Variants in SAGE1 observed in about 807,000 individuals in gnomAD.
SAGE1 encodes the protein cancer/testis antigen 14.
Under a neutral mutation model 55.4 loss-of-function variants are expected in SAGE1, and 55 were observed. The ratio of observed to expected loss-of-function variants is 0.99; its 90% CI spans 0.80 to 1.24. SAGE1 has a LOEUF of 1.24. Among genes scored for constraint, SAGE1 ranks in the 50% most tolerant of loss-of-function variants. The probability of loss-of-function intolerance (pLI) is 0.00; values close to 1 mark genes in which losing one functional copy is unlikely to be tolerated. For synonymous variants in SAGE1, 240 were observed against 244.3 expected (o/e 0.98, Z 0.17); for missense variants, 710 against 704.4 (o/e 1.01, Z -0.09).
intron 14 of SAGE1, 81 bp downstream of exon 14, chrX:135,909,860 T>G: frequency 9.8e-7 from 1 of 1,023,955 alleles, no homozygotes. Context: ...AAGGTGGTTT[T>G]GTTGTATTAT....
rs782157128 is a variant in SAGE1, at chrX:135,907,765, C to A, written c.1083C>A (p.Asn361Lys). 5 of 1,208,191 alleles carry A rather than the reference C, an allele frequency of 4.1e-6. No homozygotes were observed. The highest frequency in any genetic ancestry group is 3.0e-5 in the East Asian group (1 of 33,820). Reference protein sequence around the residue: ...RVVNNQPLPSNALSTVLPGLA... With the variant: ...RVVNNQPLPSKALSTVLPGLA... ...TAAATAACCAACCACTACCTAGTAA[C>A]GCCTTGTCAACTGTTCTACCAGGGC... The change falls in exon 10 of 20, where the codon AAC becomes AAA. Residue 361 changes from asparagine to lysine, a missense_variant. Asn to Lys is a moderately conservative substitution (Grantham distance 94). Transcript: ENST00000370709.
In SAGE1 at chrX:135,911,279, G is replaced by A. The variant is rs782436253; in HGVS notation, c.2093G>A (p.Gly698Asp). 1 of 1,207,827 alleles carries A rather than the reference G, an allele frequency of 8.3e-7. No individual in the cohort carries two copies. The highest frequency in any genetic ancestry group is 3.0e-5 in the East Asian group (1 of 33,712). Residue 698 changes from glycine (G) to aspartate (D), a missense_variant, in exon 17 of 20, where the codon GGT becomes GAT. Coordinates refer to ENST00000370709, the MANE Select transcript of SAGE1 (RefSeq NM_001381902.1). ...AACTCCTTGTCAACGGTTCCACCTGGTTGTATTAATCTGTCAGGAGCTGGT... is the reference window on the plus strand; with the variant it reads ...AACTCCTTGTCAACGGTTCCACCTGATTGTATTAATCTGTCAGGAGCTGGT... Reference protein sequence around the residue: ...PDNSLSTVPPGCINLSGAGIS... With the variant: ...PDNSLSTVPPDCINLSGAGIS...
At chrX:135,911,501 C>G in intron 17 of SAGE1, 78 bp from the exon 18 acceptor site, 2 of 897,585 alleles carry the variant, frequency 2.2e-6, no homozygotes, top group African/African-American at 3.9e-5. Context: ...TCCCTAGAAA[C>G]TGGGCATCGG....
chrX:135,906,968 A>T lies in SAGE1; in HGVS notation c.779A>T (p.Lys260Met). The stretch of plus-strand genomic sequence containing the variant: ...AATGTCCCTGAGGAGAAGATGGAAA[A>T]GGGCCAACCCCAACCTGATAACATC... ...TYNVPEEKME[K>M]GQPQPDNILS... The change falls in exon 8 of 20, where the codon AAG (lysine) becomes ATG (methionine). Residue 260 changes from lysine (K) to methionine (M), a missense_variant. By Grantham distance (95) the Lys-to-Met change is moderately conservative. Coordinates refer to ENST00000370709, the MANE Select transcript of SAGE1 (RefSeq NM_001381902.1). 1.7e-6 allele frequency: 2 copies of T among 1,209,327 alleles called. No individual in the cohort carries two copies. Among genetic ancestry groups the T allele is most frequent in the Non-Finnish European group, 2.2e-6 (2 of 893,690 alleles).
intron 3 of SAGE1, among the ~76,000 whole-genome samples, chrX:135,903,488 C>T (rs184045249): frequency 8.9e-6 from 1 of 112,966 alleles, no homozygotes; most frequent in East Asian, 2.8e-4. Context: ...TCCTGGCATG[C>T]TGCCTGCCAC....
chrX:135,908,196 G>A lies in SAGE1; in HGVS notation c.1267G>A (p.Ala423Thr), dbSNP rs782265924. ...ACCAGAGCTTATTAACTTGGCAGGAGCTGGTATTCCACCCATGAGTACCAG... is the reference window on the plus strand; with the variant it reads ...ACCAGAGCTTATTAACTTGGCAGGAACTGGTATTCCACCCATGAGTACCAG... ...VTPELINLAGAGIPPMSTRDQ... is the reference protein window; with the variant it reads ...VTPELINLAGTGIPPMSTRDQ... Residue 423 changes from alanine (A) to threonine (T), a missense_variant, in exon 11 of 20, where the codon GCT (alanine) becomes ACT (threonine). Ala to Thr is a moderately conservative substitution (Grantham distance 58, BLOSUM62 0). Coordinates refer to ENST00000370709, the MANE Select transcript of SAGE1 (RefSeq NM_001381902.1). The A allele has an allele frequency of 6.6e-6, 8 of 1,207,519 alleles. No individual in the cohort carries two copies. In the South Asian group the frequency reaches 1.2e-4, roughly 19 times the overall value.
chrX:135,904,777 T>G (rs2088754237), intron 4 of SAGE1, among the ~76,000 whole-genome samples: 1 of 110,717 alleles, frequency 9.0e-6, no homozygotes, highest in Non-Finnish European at 1.9e-5. Flanking sequence ...TTAGATAATT[T>G]CCTAGAAATT....
chrX:135,913,005 A>G lies in SAGE1; in HGVS notation c.*108A>G, dbSNP rs907658540. ...TGAAATGAAGAGAATTCCCTTCCAG[A>G]AGCTACGAAAAAGGGAGCTGTTTAA... On this transcript the variant is annotated 3_prime_UTR_variant, in exon 20 of 20. Coordinates refer to ENST00000370709, the MANE Select transcript of SAGE1 (RefSeq NM_001381902.1). 3.9e-6 allele frequency: 2 copies of G among 511,978 alleles called. No individual in the cohort carries two copies. The highest frequency in any genetic ancestry group is 3.2e-6 in the Non-Finnish European group (1 of 309,580). 42.2% of individuals were successfully genotyped at this position (511,978 alleles called of 1,213,427 possible).
intron 11 of SAGE1, 45 bp from the exon 12 acceptor site, chrX:135,908,432 A>C: frequency 8.6e-7 from 1 of 1,169,221 alleles, no homozygotes; most frequent in Non-Finnish European, 1.1e-6. Context: ...TGTGCTTGGC[A>C]TAATGCACTT....
At chrX:135,909,591 G>A (rs782432256) in intron 13 of SAGE1, 48 bp from the exon 14 acceptor site, 7 of 1,130,251 alleles carry the variant, frequency 6.2e-6, no homozygotes, top group East Asian at 3.0e-5. Flanking sequence ...CTGTGGTATT[G>A]ACATAATGCA....
rs1336666486 is a variant in SAGE1, at chrX:135,909,693, A to G, written c.1637A>G (p.Gln546Arg). The G allele has an allele frequency of 6.7e-6, 8 of 1,199,844 alleles. No individual in the cohort carries two copies. Among genetic ancestry groups the G allele is most frequent in the South Asian group, 3.6e-5 (2 of 55,384 alleles). Residue 546 changes from glutamine to arginine, a missense_variant, in exon 14 of 20, where the codon CAA becomes CGA. Transcript: ENST00000370709. ...GAGAGGATGGAAAATAACCAACCAC[A>G]ACCTAGTTATGACTTGTCAACTGTT... ...HEERMENNQP[Q>R]PSYDLSTVLP... is the part of the protein sequence containing the mutation.
At chrX:135,909,215 A>T (rs1427394825) in intron 13 of SAGE1, among the ~76,000 whole-genome samples, 1 of 112,047 alleles carries the variant, frequency 8.9e-6, no homozygotes, top group African/African-American at 3.2e-5. Context: ...GACATAATGC[A>T]CTTACCTCAC....
Position 135,907,319 on chromosome X carries a change from C to T in SAGE1, c.884C>T (p.Thr295Ile), listed in dbSNP as rs2088813760. The T allele has an allele frequency of 3.3e-6, 4 of 1,206,315 alleles. No homozygotes were observed. The African/African-American group carries it at 5.2e-5, about 16-fold the overall frequency. ...PAISTNGLYS[T>I]VPHNVCEEKM... ...CTCTTCATTTGTTTTCCAGATTCCA[C>T]CGTCCCTCACAATGTCTGTGAAGAG... The change falls in exon 9 of 20, where the codon ACC becomes ATC. Residue 295 changes from threonine to isoleucine, a missense_variant. Thr to Ile is a moderately conservative substitution (Grantham distance 89). Transcript: ENST00000370709.
intron 3 of SAGE1, among the ~76,000 whole-genome samples, chrX:135,904,026 G>A (rs1429965264): frequency 8.9e-6 from 1 of 111,870 alleles, no homozygotes; most frequent in Non-Finnish European, 1.9e-5. Context: ...CCCTCTGGGG[G>A]AGGATGGGAC....
intron 2 of SAGE1, among the ~76,000 whole-genome samples, chrX:135,900,962 C>G (rs1162184163): frequency 1.8e-5 from 2 of 108,949 alleles, no homozygotes; most frequent in Non-Finnish European, 3.8e-5. Context: ...CTGGCTAACA[C>G]GGTGAAACCC....
intron 5 of SAGE1, among the ~76,000 whole-genome samples, chrX:135,905,764 C>T (rs1310459545): frequency 8.9e-6 from 1 of 111,941 alleles, no homozygotes; most frequent in Non-Finnish European, 1.9e-5. Flanking sequence ...TATTCCACCC[C>T]TGAGTACCAG....
At chrX:135,902,982 A>G (rs1246135286) in intron 3 of SAGE1, among the ~76,000 whole-genome samples, 2 of 111,619 alleles carry the variant, frequency 1.8e-5, no homozygotes, top group East Asian at 5.6e-4. Context: ...ACATCATGCC[A>G]TGTCCCTCCT....
At position 135,907,701 on chromosome X, in the gene SAGE1, A is replaced by G. The variant is rs368384420; in HGVS notation, c.1019A>G (p.Tyr340Cys). The part of the protein sequence containing the change: ...GIPGMNTRDQ[Y>C]ATITHNVCEE... ...CTCAAGCTTTTCATTTGGTTTCCAG[A>G]TGCTACCATCACTCACAATGTCTGT... Residue 340 changes from tyrosine to cysteine, a missense_variant and splice_region_variant, in exon 10 of 20, where the codon TAT (tyrosine) becomes TGT (cysteine). Coordinates refer to ENST00000370709, the MANE Select transcript of SAGE1 (RefSeq NM_001381902.1). The G allele has an allele frequency of 1.0e-4, 126 of 1,207,906 alleles. No individual in the cohort carries two copies. The highest frequency in any genetic ancestry group is 2.3e-4 in the Middle Eastern group (1 of 4,360).
At chrX:135,901,806 T>G in intron 3 of SAGE1, 115 bp downstream of exon 3, 1 of 708,045 alleles carries the variant, frequency 1.4e-6, no homozygotes, top group Admixed American at 3.3e-5. Flanking sequence ...AGGTTCTAAT[T>G]AGGTGCAACA....
Sources: allele counts gnomAD v4.1 joint callset (sites outside exome capture counted in the v4.1 genomes callset), GRCh38; gene constraint gnomAD v4.1.1; transcripts MANE v1.5; gene names NCBI Gene and HGNC (gene_info 2026-07-23, HGNC 2026-07-21).